NAA25: variants seen among roughly 807,000 people sequenced by gnomAD.
NAA25 encodes N-alpha-acetyltransferase 25, NatB auxiliary subunit, also known as N-terminal acetyltransferase B complex subunit NAA25.
In NAA25, 30 loss-of-function variants were observed where a neutral mutation model predicts 132.5. The observed-to-expected ratio is 0.23, with a 90% CI of 0.17 to 0.31. The LOEUF (loss-of-function observed/expected upper bound fraction) is 0.31. Among genes scored for constraint, NAA25 ranks in the 10% least tolerant of loss-of-function variants. NAA25 has a pLI of 1.00. For synonymous variants in NAA25, 359 were observed against 401.9 expected (o/e 0.89, Z 1.28); for missense variants, 771 against 1,150.4 (o/e 0.67, Z 4.77).
chr12:112,030,286 A>C lies in NAA25; in HGVS notation c.2797-633T>G, dbSNP rs1413961000. ...GATCACTACTTTTTAATCAATAAAA[A>C]CAGAAAATTATGACTAGTTTGGACA... On this transcript the variant is annotated intron_variant, in intron 23 of 23. Transcript: ENST00000261745. 2.0e-5 allele frequency among the ~76,000 whole-genome samples: 3 copies of C among 151,922 alleles called. 1 individual carries two copies. Among genetic ancestry groups the C allele is most frequent in the East Asian group, 3.8e-4 (2 of 5,202 alleles).
chr12:112,104,495 C>A (rs2079335107), intron 1 of NAA25, among the ~76,000 whole-genome samples: 1 of 152,134 alleles, frequency 6.6e-6, no homozygotes. Context: ...TTATCTCCCT[C>A]CATCCCTTCC....
intron 10 of NAA25, among the ~76,000 whole-genome samples, chr12:112,071,018 A>G (rs955187288): frequency 2.0e-5 from 3 of 151,916 alleles, no homozygotes; most frequent in South Asian, 4.1e-4. Flanking sequence ...AAGTGCTGGG[A>G]TTATAGGCAT....
chr12:112,037,799 T>C (rs958965311), intron 22 of NAA25: 3 of 151,510 alleles, frequency 2.0e-5, no homozygotes, highest in Non-Finnish European at 4.4e-5. Flanking sequence ...CAGCTTACAT[T>C]TAGCAATCAG....
At chr12:112,055,430 C>T (rs1457211251) in intron 13 of NAA25, among the ~76,000 whole-genome samples, 2 of 152,170 alleles carry the variant, frequency 1.3e-5, no homozygotes, top group African/African-American at 2.4e-5. Context: ...CATGGTGGCT[C>T]ATGCCTATAC....
chr12:112,078,423 T>C (rs962012604), intron 6 of NAA25, among the ~76,000 whole-genome samples, 157 bp from the exon 7 acceptor site: 2 of 152,130 alleles, frequency 1.3e-5, no homozygotes, highest in Admixed American at 1.3e-4. Flanking sequence ...TCCATCTATA[T>C]CTCTCCCGTC....
intron 1 of NAA25, 91 bp downstream of exon 1, chr12:112,108,625 C>CTT: frequency 8.2e-7 from 1 of 1,216,336 alleles, no homozygotes; most frequent in Non-Finnish European, 1.0e-6. Flanking sequence ...GGCCCGCGCG[C>CTT]CGGCCCTCAG....
intron 22 of NAA25, 103 bp downstream of exon 22, chr12:112,039,126 G>A (rs2078266856): frequency 1.7e-6 from 1 of 585,230 alleles, no homozygotes; most frequent in Non-Finnish European, 2.9e-6. Flanking sequence ...GAGAAGCTTG[G>A]CATATAGGAT....
intron 9 of NAA25, among the ~76,000 whole-genome samples, chr12:112,072,941 A>G (rs893725832): frequency 7.9e-5 from 12 of 151,870 alleles, no homozygotes; most frequent in Middle Eastern, 3.4e-3. Context: ...CCCATCTCAA[A>G]AAGAAAAAAA....
At chr12:112,035,754 G>C (rs1201129488) in intron 22 of NAA25, among the ~76,000 whole-genome samples, 1 of 150,836 alleles carries the variant, frequency 6.6e-6, no homozygotes, top group Non-Finnish European at 1.5e-5. Context: ...CACAGCTCAC[G>C]GCAGCCTCAA....
chr12:112,087,847 C>T (rs939184906), intron 3 of NAA25, 46 bp from the exon 4 acceptor site: 2 of 1,240,904 alleles, frequency 1.6e-6, no homozygotes, highest in Non-Finnish European at 2.4e-6. Context: ...CAAGAACATT[C>T]TAATGGCATT....
chr12:112,062,790 C>T (rs1354406569), intron 11 of NAA25, among the ~76,000 whole-genome samples: 1 of 151,858 alleles, frequency 6.6e-6, no homozygotes, highest in African/African-American at 2.4e-5. Flanking sequence ...AGCAGTGACT[C>T]ACACCTATAT....
intron 3 of NAA25, 64 bp from the exon 4 acceptor site, chr12:112,087,865 C>T: frequency 9.1e-7 from 1 of 1,104,796 alleles, no homozygotes; most frequent in East Asian, 2.4e-5. Context: ...ATTTAATGTT[C>T]TTCCTATTTG....
intron 1 of NAA25, among the ~76,000 whole-genome samples, chr12:112,094,530 C>T (rs2079185030): frequency 6.6e-6 from 1 of 152,096 alleles, no homozygotes; most frequent in South Asian, 2.1e-4. Context: ...TTAATGAGTA[C>T]TGACTTTGCC....
In NAA25 at chr12:112,049,534, C is replaced by T. The variant is rs1332316837; in HGVS notation, c.1729-1091G>A. The T allele has an allele frequency of 8.1e-6, 8 of 985,736 alleles. No homozygotes were observed. Among genetic ancestry groups the T allele is most frequent in the East Asian group, 1.1e-4 (1 of 8,836 alleles). The allele number at this position is 985,736 out of a possible 1,614,324, so 61.1% of individuals were successfully genotyped here. A position where few individuals can be genotyped will look rare whatever the true frequency, so the allele number is the denominator to read the frequency against. On this transcript the variant is annotated intron_variant, in intron 15 of 23. Transcript: ENST00000261745. The surrounding 1 kb of genome is among the most constrained non-coding windows in gnomAD (Gnocchi z 4.7). ...CATTTCAGGCCGCGGGATTGCGCCA[C>T]GGGCGCTAATTCAACTGCATTCGAT...
chr12:112,100,614 CTTTTTTTTTTT>C (rs71083200), intron 1 of NAA25, among the ~76,000 whole-genome samples: 22 of 100,628 alleles, frequency 2.2e-4, no homozygotes, highest in African/African-American at 8.0e-4. Flanking sequence ...ATTCCATTGT[CTTTTTTTTTTT>C]TTTTTTTTTT....
intron 12 of NAA25, among the ~76,000 whole-genome samples, chr12:112,060,932 T>C (rs1249759672): frequency 6.6e-6 from 1 of 152,196 alleles, no homozygotes; most frequent in Admixed American, 6.5e-5. Context: ...GCAATCTATA[T>C]GAGCCCCAAT....
chr12:112,041,828 T>C (rs1335628002), intron 20 of NAA25, among the ~76,000 whole-genome samples: 3 of 152,228 alleles, frequency 2.0e-5, no homozygotes, highest in African/African-American at 7.2e-5. Context: ...AAGCATGGAT[T>C]ACACCATTTC....
chr12:112,081,140 A>G lies in NAA25; in HGVS notation c.403-6T>C. 1 of 1,607,168 alleles carries G rather than the reference A, an allele frequency of 6.2e-7. No homozygotes were observed. The highest frequency in any genetic ancestry group is 2.2e-5 in the East Asian group (1 of 44,838). ...TTATATAGAGCCATGCCAGCCTAAA[A>G]GAGAACCATAAATATTTTATTTAGA... On this transcript the variant is annotated splice_polypyrimidine_tract_variant and splice_region_variant and intron_variant, in intron 4 of 23. Transcript: ENST00000261745.
intron 1 of NAA25, among the ~76,000 whole-genome samples, chr12:112,094,159 T>C (rs778306373): frequency 2.1e-5 from 3 of 142,740 alleles, no homozygotes; most frequent in Non-Finnish European, 4.5e-5. Flanking sequence ...GAGAATGGCG[T>C]GAACCCAGGA....
Sources: allele counts gnomAD v4.1 joint callset (sites outside exome capture counted in the v4.1 genomes callset), GRCh38; gene constraint gnomAD v4.1.1; non-coding constraint Gnocchi (gnomAD v3.1); transcripts MANE v1.5; gene names NCBI Gene and HGNC (gene_info 2026-07-23, HGNC 2026-07-21).